The following SGSM3 variants were observed in gnomAD, a reference collection of about 807,000 sequenced individuals.
SGSM3 encodes the protein small G protein signaling modulator 3.
SGSM3 carries 96 observed loss-of-function variants against 100.5 expected under a neutral mutation model. That is an observed-to-expected ratio of 0.96 (90% CI 0.81 to 1.13). The LOEUF is 1.13. SGSM3 is among the 50% of genes most tolerant of loss of function. The pLI is 0.00. For synonymous variants in SGSM3, 483 were observed against 422.8 expected (o/e 1.14, Z -1.75); for missense variants, 1,001 against 1,015.8 (o/e 0.99, Z 0.20).
intron 4 of SGSM3, among the ~76,000 whole-genome samples, chr22:40,402,655 CTT>C (rs2050910018): frequency 6.6e-6 from 1 of 152,202 alleles, no homozygotes; most frequent in Non-Finnish European, 1.5e-5. Context: ...AGGAGAATCT[CTT>C]GAACCCAGGA....
At chr22:40,387,154 T>G in intron 1 of SGSM3, 1 of 398,518 alleles carries the variant, frequency 2.5e-6, no homozygotes, top group Non-Finnish European at 4.4e-6. Flanking sequence ...ATGGGGATAA[T>G]GCCTGTGAGT....
intron 2 of SGSM3, 28 bp downstream of exon 2, chr22:40,400,841 G>C: frequency 2.6e-6 from 4 of 1,525,166 alleles, no homozygotes; most frequent in East Asian, 5.0e-5. Flanking sequence ...ACTTGGAAAC[G>C]GGGTTTGAAG....
Position 40,409,384 on chromosome 22 carries a change from A to G in SGSM3, c.2111+12A>G. Reference sequence around the variant, plus strand: ...AAGTGTGAGCTCCGGTGAGGACCTTACTGGGCTTGGGGGATGGAGGTGGGG... The same window carrying G: ...AAGTGTGAGCTCCGGTGAGGACCTTGCTGGGCTTGGGGGATGGAGGTGGGG... On this transcript the variant is annotated intron_variant, in intron 20 of 21. Transcript: ENST00000248929. The G allele has an allele frequency of 6.3e-7, 1 of 1,589,650 alleles. No homozygotes were observed. Among genetic ancestry groups the G allele is most frequent in the Non-Finnish European group, 8.6e-7 (1 of 1,166,154 alleles).
intron 1 of SGSM3, among the ~76,000 whole-genome samples, chr22:40,379,184 A>G (rs1236231779): frequency 2.0e-5 from 3 of 152,178 alleles, no homozygotes; most frequent in Non-Finnish European, 1.5e-5. Flanking sequence ...AGGGATTTCT[A>G]TCTATTTTGA....
chr22:40,382,520 A>G (rs1025661960), intron 1 of SGSM3, among the ~76,000 whole-genome samples: 1 of 152,164 alleles, frequency 6.6e-6, no homozygotes, highest in Admixed American at 6.5e-5. Flanking sequence ...ACCTCACAGC[A>G]TGGCAGGTGT....
At chr22:40,406,843 A>G in intron 10 of SGSM3, 174 bp from the exon 11 acceptor site, 1 of 864,092 alleles carries the variant, frequency 1.2e-6, no homozygotes, top group South Asian at 1.6e-5. Context: ...TGTGCACCTC[A>G]GGTTCTGATC....
Position 40,405,680 on chromosome 22 carries a change from A to G in SGSM3, c.650A>G (p.Glu217Gly), listed in dbSNP as rs777165043. 7 of 1,613,368 alleles carry G rather than the reference A, an allele frequency of 4.3e-6. No individual in the cohort carries two copies. The highest frequency in any genetic ancestry group is 2.5e-6 in the Non-Finnish European group (3 of 1,179,800). ...GCCTGCCTCCTGCTGTTCCTGGAGG[A>G]GGAGGACGCCTTCTGGATGATGTCT... ...VAACLLLFLE[E>G]EDAFWMMSAI... Residue 217 changes from glutamate (E) to glycine (G), a missense_variant, in exon 8 of 22, where the codon GAG becomes GGG. Physicochemically the swap from Glu to Gly is moderately conservative, Grantham distance 98 (BLOSUM62 -2). Transcript: ENST00000248929.
At position 40,408,860 on chromosome 22, in the gene SGSM3, G is replaced by A; in HGVS notation, c.1902+18G>A. On this transcript the variant is annotated intron_variant, in intron 18 of 21. Coordinates refer to ENST00000248929, the MANE Select transcript of SGSM3 (RefSeq NM_015705.6). ...TCTACCGGGTAAGGGGGCCTCCTCT[G>A]CCAGACCCTAGAGACCTCTCTGGGG... 2 of 1,613,936 alleles carry A rather than the reference G, an allele frequency of 1.2e-6. No homozygotes were observed. The highest frequency in any genetic ancestry group is 1.7e-6 in the Non-Finnish European group (2 of 1,180,018).
At chr22:40,376,623 C>G (rs1357093838) in intron 1 of SGSM3, 1 of 152,152 alleles carries the variant, frequency 6.6e-6, no homozygotes, top group Non-Finnish European at 1.5e-5. Context: ...TATTAACTCA[C>G]AATCCTCACA....
At chr22:40,380,749 A>G (rs1333298485) in intron 1 of SGSM3, among the ~76,000 whole-genome samples, 2 of 152,166 alleles carry the variant, frequency 1.3e-5, no homozygotes, top group Non-Finnish European at 2.9e-5. Context: ...CAGCCTGGGC[A>G]ACATAGTAAG....
intron 16 of SGSM3, 93 bp from the exon 17 acceptor site, chr22:40,408,534 C>A: frequency 6.3e-7 from 1 of 1,587,652 alleles, no homozygotes; most frequent in Non-Finnish European, 8.6e-7. Context: ...ATGGGAAGAG[C>A]TGGCAGCGTG....
Position 40,409,866 on chromosome 22 carries a change from G to C in SGSM3, c.*107G>C. ...TCCAGAGCCCTGGCCGGGGCCGCGG[G>C]ATATCAATATCAGGCTGCCCCACTC... On this transcript the variant is annotated 3_prime_UTR_variant, in exon 22 of 22. Coordinates refer to ENST00000248929, the MANE Select transcript of SGSM3 (RefSeq NM_015705.6). 1 of 1,471,474 alleles carries C rather than the reference G, an allele frequency of 6.8e-7. No individual in the cohort carries two copies. The highest frequency in any genetic ancestry group is 8.9e-7 in the Non-Finnish European group (1 of 1,117,490). 91.2% of individuals were successfully genotyped at this position (1,471,474 alleles called of 1,614,324 possible). A position where few individuals can be genotyped will look rare whatever the true frequency, so the allele number is the denominator to read the frequency against.
chr22:40,386,969 C>A (rs1251055340), intron 1 of SGSM3, among the ~76,000 whole-genome samples: 3 of 152,074 alleles, frequency 2.0e-5, no homozygotes, highest in Non-Finnish European at 2.9e-5. Context: ...TGTCTTAAAT[C>A]TGGCTGGCTC....
intron 1 of SGSM3, among the ~76,000 whole-genome samples, chr22:40,371,570 A>G (rs1468860385): frequency 1.3e-5 from 2 of 152,204 alleles, no homozygotes; most frequent in Non-Finnish European, 2.9e-5. Context: ...GTTTATAGGT[A>G]CATATGTTTC....
chr22:40,401,395 G>A (rs542837532), intron 2 of SGSM3, among the ~76,000 whole-genome samples, 198 bp from the exon 3 acceptor site: 7 of 152,250 alleles, frequency 4.6e-5, no homozygotes, highest in Non-Finnish European at 7.4e-5. Context: ...TTACAGGCAT[G>A]TGCCACCACG....
chr22:40,386,562 C>CT (rs60319316), intron 1 of SGSM3, among the ~76,000 whole-genome samples: 9,302 of 68,272 alleles, frequency 0.14, 1,008 homozygotes, highest in Non-Finnish European at 0.17. Flanking sequence ...AATTTTCTTA[C>CT]TTTTTTTTTT....
chr22:40,381,233 C>T (rs2047519066), intron 1 of SGSM3, among the ~76,000 whole-genome samples: 1 of 151,928 alleles, frequency 6.6e-6, no homozygotes, highest in Non-Finnish European at 1.5e-5. Flanking sequence ...TTGCAACCTC[C>T]ACCTCCAGGG....
At chr22:40,392,927 C>T (rs550817657) in intron 1 of SGSM3, among the ~76,000 whole-genome samples, 4 of 152,306 alleles carry the variant, frequency 2.6e-5, no homozygotes, top group Non-Finnish European at 4.4e-5. Context: ...TAAATGGAAT[C>T]ATACAGTATG....
chr22:40,402,119 C>T lies in SGSM3; in HGVS notation c.91-20C>T. 1 of 1,607,992 alleles carries T rather than the reference C, an allele frequency of 6.2e-7. No homozygotes were observed. On this transcript the variant is annotated intron_variant, in intron 3 of 21. Transcript: ENST00000248929. ...CAACTAGGGGACAGGCAACTGACTTCAACCTCATCCTGATTCTAGAAGGAA... is the reference window on the plus strand; with the variant it reads ...CAACTAGGGGACAGGCAACTGACTTTAACCTCATCCTGATTCTAGAAGGAA...
Sources: gnomAD v4.1 joint callset for allele counts (sites outside exome capture counted in the v4.1 genomes callset) on GRCh38, gnomAD v4.1.1 for gene constraint, MANE v1.5 for transcripts, NCBI Gene and HGNC (gene_info 2026-07-23, HGNC 2026-07-21) for gene names.